RGS6: variants seen among roughly 807,000 people sequenced by gnomAD.
The protein encoded by RGS6 is regulator of G protein signaling 6, also known as regulator of G-protein signaling 6.
In RGS6, 30 loss-of-function variants were observed where a neutral mutation model predicts 78.5. The ratio of observed to expected loss-of-function variants is 0.38; its 90% CI spans 0.29 to 0.52. The LOEUF (loss-of-function observed/expected upper bound fraction) is 0.52, where lower values mean the gene tolerates loss of function less well. RGS6 is among the 20% of genes least tolerant of loss of function. The probability of loss-of-function intolerance (pLI) is 0.85; values close to 1 mark genes in which losing one functional copy is unlikely to be tolerated. For missense variants in RGS6, 495 were observed against 609.7 expected (o/e 0.81, Z 1.98); for synonymous variants, 206 against 206.0 (o/e 1.00, Z 0.00).
the RGS6 span, among the ~76,000 whole-genome samples, chr14:71,875,286 G>T: frequency 1.3e-5 from 2 of 151,988 alleles, no homozygotes; most frequent in African/African-American, 4.8e-5. Flanking sequence ...GACTTTTTTT[G>T]GTTGGTAGGC....
intron 2 of RGS6, among the ~76,000 whole-genome samples, chr14:72,349,161 G>A (rs967502117): frequency 1.3e-5 from 2 of 152,058 alleles, no homozygotes; most frequent in African/African-American, 2.4e-5. Context: ...GTGAGACTCC[G>A]TCTCAAAAAA....
chr14:72,239,255 G>C (rs847264), intron 2 of RGS6, among the ~76,000 whole-genome samples: 47,005 of 152,036 alleles, frequency 0.31, 7,991 homozygotes, highest in South Asian at 0.43. Flanking sequence ...TGCACACACA[G>C]TGTGTTTAGG....
chr14:72,116,748 G>C (rs1413247390), intron 2 of RGS6, among the ~76,000 whole-genome samples: 2 of 152,010 alleles, frequency 1.3e-5, no homozygotes, highest in African/African-American at 4.8e-5. Context: ...CAGATCACTT[G>C]AGGTTAGGAG....
intron 13 of RGS6, among the ~76,000 whole-genome samples, chr14:72,503,315 C>T (rs906299869): frequency 6.6e-6 from 1 of 152,180 alleles, no homozygotes; most frequent in East Asian, 1.9e-4. Flanking sequence ...CTCAAGATCC[C>T]CAGAATTTAT....
At chr14:72,383,202 A>ATATATG (rs1275347199) in intron 3 of RGS6, among the ~76,000 whole-genome samples, 1 of 127,348 alleles carries the variant, frequency 7.9e-6, no homozygotes, top group African/African-American at 3.0e-5. Context: ...ATATATATAT[A>ATATATG]TATATATATA....
chr14:72,046,617 C>G (rs1305688442), intron 2 of RGS6, among the ~76,000 whole-genome samples: 4 of 151,548 alleles, frequency 2.6e-5, no homozygotes, highest in Non-Finnish European at 4.4e-5. Flanking sequence ...CCCCTCCTTT[C>G]CTCTTCCTCC....
intron 2 of RGS6, among the ~76,000 whole-genome samples, chr14:72,286,929 A>T (rs1567667885): frequency 6.6e-6 from 1 of 152,080 alleles, no homozygotes; most frequent in Non-Finnish European, 1.5e-5. Context: ...GATTATAGGC[A>T]TGTGCCACCA....
At chr14:72,273,801 A>G (rs2060287158) in intron 2 of RGS6, among the ~76,000 whole-genome samples, 1 of 152,202 alleles carries the variant, frequency 6.6e-6, no homozygotes, top group African/African-American at 2.4e-5. Flanking sequence ...TGGCAGGTAC[A>G]TGGAGCTGCA....
At chr14:72,013,809 C>T (rs201389335) in intron 2 of RGS6, among the ~76,000 whole-genome samples, 2 of 152,236 alleles carry the variant, frequency 1.3e-5, no homozygotes, top group East Asian at 3.9e-4. Flanking sequence ...GGGCTGGGGC[C>T]TTCAGGCTTT....
intron 17 of RGS6, chr14:72,541,449 C>G: frequency 2.0e-6 from 3 of 1,534,744 alleles, no homozygotes; most frequent in Non-Finnish European, 1.7e-6. Context: ...CTCTCTGTGG[C>G]CTTTCCTCAT....
At chr14:72,179,686 T>C (rs2097149812) in intron 2 of RGS6, among the ~76,000 whole-genome samples, 1 of 126,976 alleles carries the variant, frequency 7.9e-6, no homozygotes, top group African/African-American at 3.0e-5. Context: ...ACTTCATATT[T>C]GAAGGGGGTT....
chr14:72,088,188 T>A lies in RGS6; in HGVS notation c.84+123313T>A, dbSNP rs147170054. Among the ~76,000 whole-genome samples, 604 of 152,246 alleles carry A rather than the reference T, an allele frequency of 4.0e-3. 8 individuals carry two copies. Among genetic ancestry groups the A allele is most frequent in the African/African-American group, 0.014 (577 of 41,550 alleles). ...ACCTGAGCTACCTTTGGGGGTAGGGTTTTGATTAAATGGCACGCTTTGCTC... is the reference window on the plus strand; with the variant it reads ...ACCTGAGCTACCTTTGGGGGTAGGGATTTGATTAAATGGCACGCTTTGCTC... On this transcript the variant is annotated intron_variant, in intron 2 of 17. Transcript: ENST00000553525.
At chr14:72,604,389 C>T in the RGS6 span, among the ~76,000 whole-genome samples, 2 of 152,188 alleles carry the variant, frequency 1.3e-5, no homozygotes, top group Non-Finnish European at 2.9e-5. Flanking sequence ...TCCAATGCAC[C>T]TCCTCATGAA....
At chr14:72,284,583 G>T (rs547879778) in intron 2 of RGS6, among the ~76,000 whole-genome samples, 85 of 152,340 alleles carry the variant, frequency 5.6e-4, no homozygotes, top group African/African-American at 2.0e-3. Flanking sequence ...TGTCCAGGCA[G>T]AAGCTTTCTG....
At chr14:72,611,269 G>A in the RGS6 span, among the ~76,000 whole-genome samples, 1 of 152,244 alleles carries the variant, frequency 6.6e-6, no homozygotes, top group Non-Finnish European at 1.5e-5. Context: ...CACGTGTGGA[G>A]AAAAGGAAAG....
chr14:72,552,518 C>T (rs1487882279), intron 17 of RGS6: 2 of 152,184 alleles, frequency 1.3e-5, no homozygotes, highest in Non-Finnish European at 2.9e-5. Context: ...TGGGTCTACC[C>T]AAGATAAGAA....
intron 3 of RGS6, among the ~76,000 whole-genome samples, chr14:72,400,531 AT>A (rs2092258276): frequency 1.3e-5 from 2 of 152,212 alleles, no homozygotes; most frequent in South Asian, 4.1e-4. Context: ...TAAGCTATCG[AT>A]GGAACAGACA....
intron 2 of RGS6, among the ~76,000 whole-genome samples, chr14:71,977,758 T>C (rs1386802751): frequency 6.6e-6 from 1 of 151,828 alleles, no homozygotes; most frequent in African/African-American, 2.4e-5. Flanking sequence ...TCTTTTTTGG[T>C]TCCATATGAA....
At chr14:72,119,811 C>T (rs1039062344) in intron 2 of RGS6, among the ~76,000 whole-genome samples, 5 of 152,136 alleles carry the variant, frequency 3.3e-5, no homozygotes, top group African/African-American at 1.2e-4. Context: ...GCACAAATAT[C>T]CTAATGGGCT....
Sources: gnomAD v4.1 joint callset for allele counts (sites outside exome capture counted in the v4.1 genomes callset) on GRCh38, gnomAD v4.1.1 for gene constraint, MANE v1.5 for transcripts, NCBI Gene and HGNC (gene_info 2026-07-23, HGNC 2026-07-21) for gene names.